NEBL: variants seen among roughly 807,000 people sequenced by gnomAD.
NEBL encodes LIM and SH3 protein 2.
In NEBL, 122 loss-of-function variants were observed where a neutral mutation model predicts 140.2. That is an observed-to-expected ratio of 0.87 (90% confidence interval 0.75 to 1.01). The LOEUF is 1.01. NEBL is among the 50% of genes least tolerant of loss of function. The pLI is 0.00. For missense variants in NEBL, 1,365 were observed against 1,231.3 expected (o/e 1.11, Z -1.62); for synonymous variants, 436 against 398.9 (o/e 1.09, Z -1.11).
chr10:21,020,075 T>C (rs757511914), intron 3 of NEBL: 8 of 1,533,240 alleles, frequency 5.2e-6, no homozygotes, highest in Admixed American at 1.7e-5. Flanking sequence ...TTGTGAAAAA[T>C]CTTTAGGGCC....
chr10:20,813,839 T>C, intron 23 of NEBL, 100 bp downstream of exon 23: 1 of 818,482 alleles, frequency 1.2e-6, no homozygotes, highest in Non-Finnish European at 2.1e-6. Context: ...CACATTTCCA[T>C]GCTTTGTTAG....
chr10:20,978,349 T>G (rs915932250), intron 3 of NEBL, among the ~76,000 whole-genome samples: 6 of 152,136 alleles, frequency 3.9e-5, no homozygotes, highest in African/African-American at 1.4e-4. Context: ...AATAGAGAGC[T>G]TATTCAAGTA....
Position 20,917,519 on chromosome 10 carries a change from G to A in NEBL, c.357+44153C>T, listed in dbSNP as rs564366841. On this transcript the variant is annotated intron_variant, in intron 4 of 6. Transcript: ENST00000417816. Reference sequence around the variant, plus strand: ...ATTTCTCAATGTATGCAAAAAGTCCGAACTATTCACATGCTGGCCACACAT... The same window carrying A: ...ATTTCTCAATGTATGCAAAAAGTCCAAACTATTCACATGCTGGCCACACAT... 5.9e-5 allele frequency among the ~76,000 whole-genome samples: 9 copies of A among 152,252 alleles called. No individual in the cohort carries two copies. In the East Asian group the frequency reaches 1.5e-3, roughly 26 times the overall value.
chr10:21,227,714 C>CTACT (rs1842180292), intron 3 of NEBL, among the ~76,000 whole-genome samples: 2 of 64,598 alleles, frequency 3.1e-5, no homozygotes, highest in Non-Finnish European at 6.3e-5. Flanking sequence ...CTTCTTCTTT[C>CTACT]TTCTTCTTCT....
At chr10:21,257,107 G>T (rs539397660) in intron 1 of NEBL, among the ~76,000 whole-genome samples, 1 of 152,208 alleles carries the variant, frequency 6.6e-6, no homozygotes, top group South Asian at 2.1e-4. Flanking sequence ...GCATACTTCT[G>T]CTCCTTTCTC....
chr10:21,165,424 C>G (rs916953451), intron 2 of NEBL, among the ~76,000 whole-genome samples: 1 of 152,204 alleles, frequency 6.6e-6, no homozygotes, highest in Non-Finnish European at 1.5e-5. Flanking sequence ...TCAGGCTCCT[C>G]AAAGCCTCAT....
At chr10:21,154,583 A>G (rs1330748805) in intron 2 of NEBL, among the ~76,000 whole-genome samples, 2 of 152,190 alleles carry the variant, frequency 1.3e-5, no homozygotes, top group African/African-American at 4.8e-5. Flanking sequence ...AGAATATGAG[A>G]AAGGTAGCAC....
intron 2 of NEBL, among the ~76,000 whole-genome samples, chr10:20,892,535 T>C (rs1847115748): frequency 6.6e-6 from 1 of 152,150 alleles, no homozygotes; most frequent in African/African-American, 2.4e-5. Context: ...TGTTAGAGTT[T>C]TCCTGTTTTT....
At chr10:21,190,118 G>A (rs183807178) in intron 3 of NEBL, among the ~76,000 whole-genome samples, 80 of 152,178 alleles carry the variant, frequency 5.3e-4, no homozygotes, top group African/African-American at 3.9e-4. Flanking sequence ...CTTGCTACCC[G>A]AGCACAAAAC....
At chr10:21,192,304 G>T (rs1394593800) in intron 3 of NEBL, among the ~76,000 whole-genome samples, 2 of 150,926 alleles carry the variant, frequency 1.3e-5, no homozygotes, top group African/African-American at 2.4e-5. Context: ...CCATTCTCCT[G>T]CCTCAGCCTC....
chr10:21,130,071 C>T (rs73607601), intron 2 of NEBL, among the ~76,000 whole-genome samples: 4,517 of 151,806 alleles, frequency 0.03, 236 homozygotes, highest in African/African-American at 0.1. Context: ...ATCATGATAA[C>T]ACTAACCAAA....
chr10:21,169,067 A>ATATATATATATATAT (rs1554830680), intron 2 of NEBL, among the ~76,000 whole-genome samples: 1 of 23,070 alleles, frequency 4.3e-5, no homozygotes, highest in Non-Finnish European at 8.7e-5. Context: ...AAAAAAAAAA[A>ATATATATATATATAT]ATATATATAT....
intron 4 of NEBL, among the ~76,000 whole-genome samples, chr10:20,906,911 T>C (rs1848115992): frequency 6.6e-6 from 1 of 152,136 alleles, no homozygotes; most frequent in Non-Finnish European, 1.5e-5. Context: ...ATTATCTACT[T>C]CATACTACGC....
At chr10:21,177,449 A>C (rs1373822310), upstream of NEBL, among the ~76,000 whole-genome samples, 1 of 152,184 alleles carries the variant, frequency 6.6e-6, no homozygotes, top group Non-Finnish European at 1.5e-5. Context: ...CAATGATGAG[A>C]CTTCAAGAGA....
intron 4 of NEBL, among the ~76,000 whole-genome samples, chr10:20,922,122 A>G (rs1833617144): frequency 6.6e-6 from 1 of 152,122 alleles, no homozygotes; most frequent in Admixed American, 6.5e-5. Context: ...CACAAACACA[A>G]AGAAGCAACA....
intron 5 of NEBL, 119 bp downstream of exon 5, chr10:20,880,675 T>C (rs373342370): frequency 7.6e-6 from 6 of 788,446 alleles, no homozygotes; most frequent in Admixed American, 1.9e-5. Context: ...TGATAAGAAA[T>C]ATTAAAGTCT....
upstream of NEBL, among the ~76,000 whole-genome samples, chr10:21,178,206 A>G (rs1212010686): frequency 3.3e-5 from 5 of 152,204 alleles, no homozygotes; most frequent in African/African-American, 7.2e-5. Flanking sequence ...TAAAATACAA[A>G]CATTAGGGGA....
intron 24 of NEBL, among the ~76,000 whole-genome samples, chr10:20,811,335 G>A (rs781691897): frequency 1.3e-5 from 2 of 152,144 alleles, no homozygotes; most frequent in African/African-American, 2.4e-5. Context: ...CCTCTGATGT[G>A]TGCAGGGCCT....
At chr10:20,788,283 TTA>T (rs1183972069) in intron 26 of NEBL, among the ~76,000 whole-genome samples, 1 of 152,210 alleles carries the variant, frequency 6.6e-6, no homozygotes, top group African/African-American at 2.4e-5. Flanking sequence ...TTAGTAAAAC[TTA>T]TAGTCATATG....
Sources: gnomAD v4.1 joint callset for allele counts (sites outside exome capture counted in the v4.1 genomes callset) on GRCh38, gnomAD v4.1.1 for gene constraint, MANE v1.5 for transcripts, NCBI Gene and HGNC (gene_info 2026-07-23, HGNC 2026-07-21) for gene names.